The following CPA6 variants were observed in gnomAD, a reference collection of about 807,000 sequenced individuals.
CPA6 encodes carboxypeptidase A6, also known as carboxypeptidase B.
CPA6 carries 58 observed loss-of-function variants against 63.3 expected under a neutral mutation model. That is an observed-to-expected ratio of 0.92 (90% confidence interval 0.74 to 1.14). CPA6 has a LOEUF of 1.14. Ranked by LOEUF, CPA6 falls within the 50% of genes most tolerant of loss-of-function variation. CPA6 has a pLI of 0.00. For synonymous variants in CPA6, 185 were observed against 179.0 expected, an observed-to-expected ratio of 1.03 and a Z score of -0.27; for missense variants, 565 against 526.6, an observed-to-expected ratio of 1.07 and a Z score of -0.71.
intron 1 of CPA6, among the ~76,000 whole-genome samples, chr8:67,703,001 T>G (rs942916635): frequency 7.9e-5 from 12 of 152,208 alleles, no homozygotes; most frequent in Admixed American, 7.2e-4. Flanking sequence ...CTCTGCCTTA[T>G]GCCCCTTGGA....
At chr8:67,527,904 G>T (rs1269157000) in intron 2 of CPA6, among the ~76,000 whole-genome samples, 1 of 152,190 alleles carries the variant, frequency 6.6e-6, no homozygotes, top group African/African-American at 2.4e-5. Context: ...CAGGGTAGAG[G>T]GCTGGTTGAT....
chr8:67,660,968 C>A (rs1014478309), intron 1 of CPA6, among the ~76,000 whole-genome samples: 1 of 152,142 alleles, frequency 6.6e-6, no homozygotes, highest in Non-Finnish European at 1.5e-5. Context: ...AGGGACAGAG[C>A]TTTTTGTGTA....
intron 1 of CPA6, among the ~76,000 whole-genome samples, chr8:67,645,833 A>T (rs1268573683): frequency 1.3e-5 from 2 of 152,212 alleles, no homozygotes; most frequent in African/African-American, 4.8e-5. Context: ...CTTGAGGGAC[A>T]TGAGTAGAGA....
chr8:67,559,874 C>T (rs1280266668), intron 2 of CPA6, among the ~76,000 whole-genome samples: 7 of 122,064 alleles, frequency 5.7e-5, no homozygotes, highest in Non-Finnish European at 1.2e-4. Context: ...TATGTATACA[C>T]ACACACACAC....
chr8:67,620,573 T>G (rs1306401139), intron 2 of CPA6, among the ~76,000 whole-genome samples: 1 of 152,226 alleles, frequency 6.6e-6, no homozygotes, highest in African/African-American at 2.4e-5. Context: ...TTCTGTCCCA[T>G]TAGCTCCACA....
At chr8:67,659,542 T>C (rs1468618288) in intron 1 of CPA6, among the ~76,000 whole-genome samples, 1 of 152,242 alleles carries the variant, frequency 6.6e-6, no homozygotes, top group Non-Finnish European at 1.5e-5. Flanking sequence ...TGCACACCAA[T>C]AAAATATTAT....
At chr8:67,473,069 A>T (rs971970935) in intron 8 of CPA6, among the ~76,000 whole-genome samples, 1 of 152,234 alleles carries the variant, frequency 6.6e-6, no homozygotes, top group African/African-American at 2.4e-5. Flanking sequence ...GGAAAAGAAC[A>T]ACTTAAGAGC....
intron 9 of CPA6, among the ~76,000 whole-genome samples, chr8:67,432,086 GTC>G (rs1810039644): frequency 6.6e-6 from 1 of 152,192 alleles, no homozygotes; most frequent in Admixed American, 6.5e-5. Flanking sequence ...TGCTAAGGGT[GTC>G]TTTTGGATGG....
chr8:67,527,201 A>C (rs1812381553), intron 2 of CPA6, among the ~76,000 whole-genome samples: 2 of 152,230 alleles, frequency 1.3e-5, no homozygotes, highest in Admixed American at 6.5e-5. Flanking sequence ...TGATCACTAC[A>C]TTCAGAAGTA....
At chr8:67,503,322 C>G (rs11991332) in intron 6 of CPA6, among the ~76,000 whole-genome samples, 4,517 of 150,514 alleles carry the variant, frequency 0.03, 223 homozygotes, top group African/African-American at 0.1. Flanking sequence ...TTTATTGAGA[C>G]AGGGTCTTGT....
intron 1 of CPA6, among the ~76,000 whole-genome samples, chr8:67,684,950 A>T (rs1408703871): frequency 1.3e-5 from 2 of 151,614 alleles, no homozygotes; most frequent in African/African-American, 4.8e-5. Context: ...TTTTCCACCC[A>T]CTTACCCTGC....
intron 1 of CPA6, among the ~76,000 whole-genome samples, chr8:67,719,503 C>G (rs1002619248): frequency 4.6e-5 from 7 of 152,158 alleles, no homozygotes; most frequent in African/African-American, 1.7e-4. Context: ...GGATGTCAAA[C>G]AAATGAGTTT....
chr8:67,540,411 G>T (rs1812680000), intron 2 of CPA6, among the ~76,000 whole-genome samples: 1 of 152,274 alleles, frequency 6.6e-6, no homozygotes, highest in African/African-American at 2.4e-5. Context: ...CCAGATGCCA[G>T]CCAGAGCTCT....
intron 9 of CPA6, among the ~76,000 whole-genome samples, chr8:67,430,944 C>A (rs1229947514): frequency 6.6e-6 from 1 of 152,086 alleles, no homozygotes; most frequent in African/African-American, 2.4e-5. Flanking sequence ...TTACTGTAAC[C>A]TCTGCCTCCT....
chr8:67,493,128 C>T (rs1031979802), intron 6 of CPA6, among the ~76,000 whole-genome samples: 1 of 152,172 alleles, frequency 6.6e-6, no homozygotes, highest in Non-Finnish European at 1.5e-5. Flanking sequence ...CAGCTGAACT[C>T]ATTAGATACT....
At chr8:67,666,939 A>G (rs1472448373) in intron 1 of CPA6, among the ~76,000 whole-genome samples, 3 of 152,098 alleles carry the variant, frequency 2.0e-5, no homozygotes, top group Non-Finnish European at 4.4e-5. Context: ...CCTGGGGAAA[A>G]ACCTGCTATG....
chr8:67,641,338 G>A (rs1164228143), intron 1 of CPA6, among the ~76,000 whole-genome samples: 1 of 149,912 alleles, frequency 6.7e-6, no homozygotes, highest in African/African-American at 2.5e-5. Context: ...AATATATCAT[G>A]TAATATTCTT....
chr8:67,639,653 G>A (rs1187545493), intron 1 of CPA6, among the ~76,000 whole-genome samples: 2 of 151,568 alleles, frequency 1.3e-5, no homozygotes, highest in East Asian at 1.9e-4. Flanking sequence ...CTAGGTCTGG[G>A]CTCCCTGAAG....
chr8:67,640,951 C>T (rs1012889634), intron 1 of CPA6, among the ~76,000 whole-genome samples: 1 of 151,622 alleles, frequency 6.6e-6, no homozygotes, highest in African/African-American at 2.4e-5. Context: ...GTTGAGGCAG[C>T]GACAGAGGCT....
Sources: allele counts gnomAD v4.1 joint callset (sites outside exome capture counted in the v4.1 genomes callset), GRCh38; gene constraint gnomAD v4.1.1; transcripts MANE v1.5; gene names NCBI Gene and HGNC (gene_info 2026-07-23, HGNC 2026-07-21).